TP63: variants seen among roughly 807,000 people sequenced by gnomAD.
TP63 encodes the protein tumor protein p63, also known as tumor protein 63.
A neutral mutation model predicts 82.8 loss-of-function variants in TP63; 17 were observed. The observed-to-expected ratio is 0.21, with a 90% CI of 0.14 to 0.31. The LOEUF (loss-of-function observed/expected upper bound fraction) is 0.31. Ranked by LOEUF, TP63 falls within the 10% of genes least tolerant of loss-of-function variation. The probability of loss-of-function intolerance (pLI) is 1.00; values close to 1 mark genes in which losing one functional copy is unlikely to be tolerated. For synonymous variants in TP63, 330 were observed against 321.7 expected, an observed-to-expected ratio of 1.03 and a Z score of -0.28; for missense variants, 648 against 895.3, an observed-to-expected ratio of 0.72 and a Z score of 3.52.
At chr3:189,706,929 C>T (rs1718247095) in intron 1 of TP63, among the ~76,000 whole-genome samples, 1 of 151,320 alleles carries the variant, frequency 6.6e-6, no homozygotes, top group African/African-American at 2.5e-5. Context: ...ATTTCTCCTA[C>T]ACGCTGAAAG....
the TP63 span, among the ~76,000 whole-genome samples, chr3:189,606,284 T>G: frequency 6.6e-6 from 1 of 151,956 alleles, no homozygotes; most frequent in Non-Finnish European, 1.5e-5. Context: ...GAAATTCACT[T>G]CCATTCCAGG....
intron 4 of TP63, among the ~76,000 whole-genome samples, chr3:189,835,363 TCTGA>T (rs957372595): frequency 2.6e-5 from 4 of 152,240 alleles, no homozygotes; most frequent in Admixed American, 6.5e-5. Context: ...TCTTTGGTTC[TCTGA>T]CTGGGAATAA....
Position 189,775,886 on chromosome 3 carries a change from A to G in TP63, c.325-32386A>G, listed in dbSNP as rs138297302. Reference sequence around the variant, plus strand: ...CTAGTAATATAAGCCTTGGGCCACAAACAAAAATATACTTAGTTCTCATAG... The same window carrying G: ...CTAGTAATATAAGCCTTGGGCCACAGACAAAAATATACTTAGTTCTCATAG... On this transcript the variant is annotated intron_variant, in intron 3 of 13. Coordinates refer to ENST00000264731, the MANE Select transcript of TP63 (RefSeq NM_003722.5). Among the ~76,000 whole-genome samples the G allele has an allele frequency of 4.2e-3, 638 of 152,358 alleles. 8 individuals carry two copies. The highest frequency in any genetic ancestry group is 0.015 in the African/African-American group (608 of 41,578).
intron 7 of TP63, 92 bp downstream of exon 7, chr3:189,868,034 T>C: frequency 9.7e-7 from 1 of 1,032,610 alleles, no homozygotes; most frequent in South Asian, 1.4e-5. Context: ...TAATTTTGCA[T>C]GTGCAGCGGA....
intron 4 of TP63, among the ~76,000 whole-genome samples, chr3:189,811,478 C>T (rs932973159): frequency 5.3e-5 from 8 of 152,138 alleles, no homozygotes; most frequent in African/African-American, 1.9e-4. Flanking sequence ...TTATTTCAGG[C>T]CCAGTTCATT....
intron 4 of TP63, among the ~76,000 whole-genome samples, chr3:189,847,288 G>A (rs1715013130): frequency 6.6e-6 from 1 of 152,172 alleles, no homozygotes; most frequent in African/African-American, 2.4e-5. Context: ...AACCTTGGAG[G>A]CAGAGGTTGC....
chr3:189,732,331 T>C (rs1720231767), intron 1 of TP63, among the ~76,000 whole-genome samples: 1 of 152,222 alleles, frequency 6.6e-6, no homozygotes, highest in African/African-American at 2.4e-5. Flanking sequence ...CCTCATTTAA[T>C]GTAGCCAGTC....
rs1424638135 is a variant in TP63 at position 189,858,196 on chromosome 3, G to C, written c.580-6036G>C. ...CGAGGCGGGCGGATCACGAGGTCAG[G>C]AGATCGAGACCATCCTGGCTAACAC... On this transcript the variant is annotated intron_variant, in intron 4 of 13. Transcript: ENST00000264731. 2.5e-4 allele frequency among the ~76,000 whole-genome samples: 4 copies of C among 15,748 alleles called. 2 individuals are homozygous for C. The highest frequency in any genetic ancestry group is 5.9e-4 in the Non-Finnish European group (4 of 6,734). The allele number at this position is 15,748 out of a possible 152,430, so 10.3% of individuals were successfully genotyped here.
intron 1 of TP63, among the ~76,000 whole-genome samples, chr3:189,684,149 C>T (rs930611887): frequency 3.9e-5 from 6 of 152,170 alleles, no homozygotes; most frequent in African/African-American, 1.4e-4. Context: ...AAAAGAAATA[C>T]TTTCCTTTCA....
At chr3:189,763,362 G>A (rs1722721503) in intron 3 of TP63, among the ~76,000 whole-genome samples, 1 of 152,126 alleles carries the variant, frequency 6.6e-6, no homozygotes, top group Non-Finnish European at 1.5e-5. Flanking sequence ...GAATAATGTA[G>A]AGCATGATAT....
chr3:189,622,081 G>A, the TP63 span, among the ~76,000 whole-genome samples: 1 of 152,324 alleles, frequency 6.6e-6, no homozygotes, highest in East Asian at 1.9e-4. Flanking sequence ...CATTTGATCA[G>A]TGCATCCACC....
chr3:189,758,755 C>A (rs887305447), intron 3 of TP63, among the ~76,000 whole-genome samples: 2 of 152,208 alleles, frequency 1.3e-5, no homozygotes, highest in South Asian at 4.1e-4. Context: ...CACTAACATA[C>A]TTTGGTGCTG....
At chr3:189,761,381 C>T (rs1722558377) in intron 3 of TP63, among the ~76,000 whole-genome samples, 1 of 152,202 alleles carries the variant, frequency 6.6e-6, no homozygotes, top group African/African-American at 2.4e-5. Context: ...TAAATTATCT[C>T]ACTCAAGTTC....
At chr3:189,755,116 A>G (rs1369881436) in intron 3 of TP63, among the ~76,000 whole-genome samples, 1 of 152,138 alleles carries the variant, frequency 6.6e-6, no homozygotes, top group Non-Finnish European at 1.5e-5. Context: ...ATAGATAAAC[A>G]GTGTTTCTCA....
intron 10 of TP63, chr3:189,881,217 A>G (rs1719880890): frequency 7.1e-6 from 7 of 985,420 alleles, no homozygotes; most frequent in Non-Finnish European, 8.4e-6. Flanking sequence ...CAGACGTGTT[A>G]AAATCAGCAC....
At chr3:189,883,098 T>C (rs1301141080) in intron 10 of TP63, among the ~76,000 whole-genome samples, 2 of 152,306 alleles carry the variant, frequency 1.3e-5, no homozygotes, top group Middle Eastern at 3.4e-3. Flanking sequence ...GGTCCTGTTA[T>C]TCTTCTGAAC....
chr3:189,784,528 G>C (rs1724454709), intron 3 of TP63, among the ~76,000 whole-genome samples: 1 of 152,028 alleles, frequency 6.6e-6, no homozygotes, highest in African/African-American at 2.4e-5. Context: ...AATTTTGTGA[G>C]TATTAAATGA....
chr3:189,603,038 A>G, the TP63 span, among the ~76,000 whole-genome samples: 16 of 152,196 alleles, frequency 1.1e-4, no homozygotes, highest in Non-Finnish European at 4.4e-5. Context: ...GCACTGCTAT[A>G]TAAACTCTGA....
chr3:189,798,643 G>A (rs1725969331), intron 3 of TP63, among the ~76,000 whole-genome samples: 1 of 152,058 alleles, frequency 6.6e-6, no homozygotes, highest in African/African-American at 2.4e-5. Flanking sequence ...TTTGATCTGG[G>A]TGAATAAGCT....
Sources: gnomAD v4.1 joint callset for allele counts (sites outside exome capture counted in the v4.1 genomes callset) on GRCh38, gnomAD v4.1.1 for gene constraint, MANE v1.5 for transcripts, NCBI Gene and HGNC (gene_info 2026-07-23, HGNC 2026-07-21) for gene names.